The following ARHGAP26 variants were observed in gnomAD, a reference collection of about 807,000 sequenced individuals.
ARHGAP26 encodes rho GTPase-activating protein 26.
In ARHGAP26, 38 loss-of-function variants were observed where a neutral mutation model predicts 104.8. The observed-to-expected ratio is 0.36, with a 90% CI of 0.28 to 0.48. ARHGAP26 has a LOEUF of 0.48. ARHGAP26 is among the 20% of genes least tolerant of loss of function. The probability of loss-of-function intolerance (pLI) is 0.99; values close to 1 mark genes in which losing one functional copy is unlikely to be tolerated. For missense variants in ARHGAP26, 704 were observed against 947.9 expected, an observed-to-expected ratio of 0.74 and a Z score of 3.38; for synonymous variants, 341 against 340.0, an observed-to-expected ratio of 1.00 and a Z score of -0.03.
At chr5:142,961,819 G>A (rs191280076) in intron 11 of ARHGAP26, among the ~76,000 whole-genome samples, 89 of 152,236 alleles carry the variant, frequency 5.8e-4, no homozygotes, top group African/African-American at 2.1e-3. Context: ...ATCTTTTAAT[G>A]TCCCATTTGA....
chr5:142,870,701 C>T (rs960991136), intron 1 of ARHGAP26, among the ~76,000 whole-genome samples: 3 of 152,334 alleles, frequency 2.0e-5, no homozygotes, highest in South Asian at 2.1e-4. Flanking sequence ...CCCTGCCTAA[C>T]CCACGGGCTG....
chr5:143,175,329 G>A (rs1449742788), intron 20 of ARHGAP26, among the ~76,000 whole-genome samples: 1 of 152,196 alleles, frequency 6.6e-6, no homozygotes, highest in Non-Finnish European at 1.5e-5. Context: ...ATGCTTAGGG[G>A]TGCCTGCAGA....
intron 21 of ARHGAP26, 84 bp from the exon 22 acceptor site, chr5:143,213,913 G>T: frequency 1.1e-6 from 1 of 918,842 alleles, no homozygotes; most frequent in Non-Finnish European, 1.7e-6. Flanking sequence ...TAGCTTACAG[G>T]GAAAGGGAAG....
chr5:142,867,964 T>A (rs1754619271), intron 1 of ARHGAP26: 1 of 152,180 alleles, frequency 6.6e-6, no homozygotes. Flanking sequence ...CTTTCTGCAA[T>A]ACCTGCTCTC....
intron 11 of ARHGAP26, among the ~76,000 whole-genome samples, chr5:142,957,724 G>A (rs539863653): frequency 6.6e-6 from 1 of 152,334 alleles, no homozygotes; most frequent in South Asian, 2.1e-4. Context: ...AAGTGCTCCT[G>A]CACTCTCTGC....
intron 6 of ARHGAP26, 64 bp from the exon 7 acceptor site, chr5:142,901,871 A>C: frequency 7.5e-7 from 1 of 1,340,952 alleles, no homozygotes; most frequent in Non-Finnish European, 1.1e-6. Context: ...GAGCTCAGAT[A>C]CAGCTACATA....
chr5:142,879,274 ATTT>A, intron 3 of ARHGAP26, 97 bp from the exon 4 acceptor site: 1 of 1,112,018 alleles, frequency 9.0e-7, no homozygotes, highest in Admixed American at 1.7e-5. Context: ...CCCAAATTTT[ATTT>A]TAAGACATGG....
chr5:142,981,873 G>T (rs377575992), intron 11 of ARHGAP26, among the ~76,000 whole-genome samples: 1 of 152,232 alleles, frequency 6.6e-6, no homozygotes, highest in African/African-American at 2.4e-5. Context: ...AAAAGTTCCC[G>T]ACTCAGTGAA....
chr5:142,925,090 T>C (rs1763719947), intron 10 of ARHGAP26, among the ~76,000 whole-genome samples: 1 of 109,376 alleles, frequency 9.1e-6, no homozygotes, highest in African/African-American at 5.8e-5. Flanking sequence ...AGTTTAAAAC[T>C]GAAAAAAATC....
At chr5:143,005,791 C>G (rs541872249) in intron 11 of ARHGAP26, among the ~76,000 whole-genome samples, 1 of 152,274 alleles carries the variant, frequency 6.6e-6, no homozygotes, top group African/African-American at 2.4e-5. Context: ...TATTCACCAG[C>G]AAGAACGCTT....
chr5:143,190,886 G>A (rs1011405495), intron 20 of ARHGAP26, among the ~76,000 whole-genome samples: 2 of 152,210 alleles, frequency 1.3e-5, no homozygotes, highest in African/African-American at 4.8e-5. Context: ...ATACACGCCA[G>A]AACATGGGTG....
intron 20 of ARHGAP26, among the ~76,000 whole-genome samples, chr5:143,205,314 G>T (rs1808393184): frequency 1.3e-5 from 2 of 151,848 alleles, no homozygotes. Flanking sequence ...ACTAGTTTTT[G>T]CTGGATTAAG....
intron 11 of ARHGAP26, among the ~76,000 whole-genome samples, chr5:142,957,143 G>C (rs1309945379): frequency 3.3e-5 from 5 of 152,202 alleles, no homozygotes; most frequent in African/African-American, 1.2e-4. Context: ...CTTGAAAAGA[G>C]TGATTTGAAT....
chr5:143,141,578 G>A (rs1056593671), intron 19 of ARHGAP26, among the ~76,000 whole-genome samples: 14 of 152,188 alleles, frequency 9.2e-5, no homozygotes, highest in African/African-American at 2.9e-4. Context: ...CACCTTTCAT[G>A]TACTATCTCA....
At chr5:143,062,461 T>C (rs1034683521) in intron 17 of ARHGAP26, among the ~76,000 whole-genome samples, 1 of 151,604 alleles carries the variant, frequency 6.6e-6, no homozygotes, top group Non-Finnish European at 1.5e-5. Context: ...TGAGACCTTA[T>C]CAAAATATGT....
At chr5:142,913,366 A>C in intron 10 of ARHGAP26, 73 bp downstream of exon 10, 1 of 1,413,032 alleles carries the variant, frequency 7.1e-7, no homozygotes, top group Non-Finnish European at 1.0e-6. Context: ...CTTTCCAGTC[A>C]AACCTTTTCT....
At position 143,211,042 on chromosome 5, in the gene ARHGAP26, A is replaced by G. The variant is rs114950378; in HGVS notation, c.2100-2955A>G. Among the ~76,000 whole-genome samples the G allele has an allele frequency of 9.8e-3, 1,489 of 152,272 alleles. 24 individuals carry two copies. The highest frequency in any genetic ancestry group is 0.033 in the African/African-American group (1,378 of 41,540). The stretch of plus-strand genomic sequence containing the variant: ...ATCAGAGCCAAAGCCTACAAATACA[A>G]TCTCTCTGCCAACAGGATTTGTCTG... On this transcript the variant is annotated intron_variant, in intron 21 of 22. Coordinates refer to ENST00000645722, the MANE Select transcript of ARHGAP26 (RefSeq NM_001135608.3).
intron 11 of ARHGAP26, among the ~76,000 whole-genome samples, chr5:142,976,136 G>T (rs1773053869): frequency 6.6e-6 from 1 of 152,122 alleles, no homozygotes; most frequent in Middle Eastern, 3.4e-3. Context: ...GTAAAGATAT[G>T]GTATCATCAT....
intron 9 of ARHGAP26, among the ~76,000 whole-genome samples, chr5:142,910,144 A>G (rs934266833): frequency 2.0e-5 from 3 of 152,076 alleles, no homozygotes; most frequent in African/African-American, 7.2e-5. Context: ...TATGTTTTAT[A>G]TTTTTCTGCA....
Sources: allele counts gnomAD v4.1 joint callset (sites outside exome capture counted in the v4.1 genomes callset), GRCh38; gene constraint gnomAD v4.1.1; transcripts MANE v1.5; gene names NCBI Gene and HGNC (gene_info 2026-07-23, HGNC 2026-07-21).